RIC8A: variants seen among roughly 807,000 people sequenced by gnomAD.
The protein encoded by RIC8A is chaperone Ric-8A.
Under a neutral mutation model 48.4 loss-of-function variants are expected in RIC8A, and 37 were observed. The ratio of observed to expected loss-of-function variants is 0.77; its 90% confidence interval spans 0.59 to 1.01. The LOEUF (loss-of-function observed/expected upper bound fraction) is 1.01. Among genes scored for constraint, RIC8A ranks in the 50% least tolerant of loss-of-function variants. The pLI is 0.00. For missense variants in RIC8A, 681 were observed against 696.8 expected (o/e 0.98, Z 0.25); for synonymous variants, 288 against 283.4 (o/e 1.02, Z -0.16).
In RIC8A at chr11:209,623, T is replaced by C; in HGVS notation, c.349T>C (p.Ser117Pro). Reference sequence around the variant, plus strand: ...CGCAGACATGGATGTTGTACTGGAGTCCCTCAAGTGCCTGTGCAACCTCGT... The same window carrying C: ...CGCAGACATGGATGTTGTACTGGAGCCCCTCAAGTGCCTGTGCAACCTCGT... ...ESADMDVVLE[S>P]LKCLCNLVLS... The change falls in exon 3 of 10, where the codon TCC becomes CCC. Residue 117 changes from serine to proline, a missense_variant. Coordinates refer to ENST00000526104, the MANE Select transcript of RIC8A (RefSeq NM_001286134.2). The C allele has an allele frequency of 6.2e-7, 1 of 1,613,860 alleles. No homozygotes were observed. The highest frequency in any genetic ancestry group is 8.5e-7 in the Non-Finnish European group (1 of 1,179,976).
In RIC8A at chr11:209,497, C is replaced by T. The variant is rs1012185025; in HGVS notation, c.223C>T (p.Arg75Trp). ...IWLQSVRILSRDRNCLDPFTS... is the reference protein window; with the variant it reads ...IWLQSVRILSWDRNCLDPFTS... The stretch of plus-strand genomic sequence containing the variant: ...GCTGCAGAGTGTCCGAATCCTGTCC[C>T]GGGACCGCAACTGCCTGGACCCGTT... Residue 75 changes from arginine to tryptophan, a missense_variant, in exon 3 of 10, where the codon CGG becomes TGG. By Grantham distance (101) the Arg-to-Trp change is moderately radical. Coordinates refer to ENST00000526104, the MANE Select transcript of RIC8A (RefSeq NM_001286134.2). 2 of 1,612,934 alleles carry T rather than the reference C, an allele frequency of 1.2e-6. No individual in the cohort carries two copies. Among genetic ancestry groups the T allele is most frequent in the Non-Finnish European group, 1.7e-6 (2 of 1,179,210 alleles).
intron 1 of RIC8A, 130 bp from the exon 2 acceptor site, chr11:209,141 G>A: frequency 1.7e-6 from 2 of 1,188,358 alleles, no homozygotes; most frequent in Non-Finnish European, 2.5e-6. Context: ...TAGGGATGGG[G>A]GCGAGTGCCG....
Position 209,604 on chromosome 11 carries a change from C to T in RIC8A, c.330C>T (p.Asp110=). 1.9e-6 allele frequency: 3 copies of T among 1,614,086 alleles called. No individual in the cohort carries two copies. Among genetic ancestry groups the T allele is most frequent in the East Asian group, 4.5e-5 (2 of 44,888 alleles). ...VSEGSVPESA[D]MDVVLESLKC... ...AGGGGTCCGTCCCAGAGTCCGCAGACATGGATGTTGTACTGGAGTCCCTCA... is the reference window on the plus strand; with the variant it reads ...AGGGGTCCGTCCCAGAGTCCGCAGATATGGATGTTGTACTGGAGTCCCTCA... Residue 110 remains aspartate, a synonymous_variant, in exon 3 of 10, where the codon GAC becomes GAT. Coordinates refer to ENST00000526104, the MANE Select transcript of RIC8A (RefSeq NM_001286134.2).
Position 212,739 on chromosome 11 carries a change from T to C in RIC8A, c.1190T>C (p.Phe397Ser), listed in dbSNP as rs995257735. 7.4e-6 allele frequency: 12 copies of C among 1,613,986 alleles called. No individual in the cohort carries two copies. In the Admixed American group the frequency reaches 1.2e-4, roughly 16 times the overall value. Residue 397 changes from phenylalanine to serine, a missense_variant, in exon 7 of 10, where the codon TTT (phenylalanine) becomes TCT (serine). Coordinates refer to ENST00000526104, the MANE Select transcript of RIC8A (RefSeq NM_001286134.2). ...DVKRVAAEFLFVLCSESVPRF... is the reference protein window; with the variant it reads ...DVKRVAAEFLSVLCSESVPRF... ...AAGAGGGTGGCTGCCGAGTTCTTGT[T>C]TGTCCTGTGCTCTGAGAGTGGTGAG...
At position 211,363 on chromosome 11, in the gene RIC8A, G is replaced by A. The variant is rs1590075720; in HGVS notation, c.969+14G>A. ...CGTTTGCACAAGGTAGGCTGGGGAT[G>A]GCTGTGCAGGCTCCCCCAGTGGCTC... On this transcript the variant is annotated intron_variant, in intron 5 of 9. Coordinates refer to ENST00000526104, the MANE Select transcript of RIC8A (RefSeq NM_001286134.2). The surrounding 1 kb of genome is among the most constrained non-coding windows in gnomAD (Gnocchi z 4.0). 2.5e-6 allele frequency: 4 copies of A among 1,609,850 alleles called. No homozygotes were observed. Among genetic ancestry groups the A allele is most frequent in the South Asian group, 2.2e-5 (2 of 90,488 alleles).
In RIC8A at chr11:214,365, C is replaced by T. The variant is rs1349959993; in HGVS notation, c.*15C>T. 30 of 1,578,784 alleles carry T rather than the reference C, an allele frequency of 1.9e-5. No individual in the cohort carries two copies. Among genetic ancestry groups the T allele is most frequent in the Non-Finnish European group, 2.6e-5 (30 of 1,161,556 alleles). On this transcript the variant is annotated 3_prime_UTR_variant, in exon 10 of 10. Coordinates refer to ENST00000526104, the MANE Select transcript of RIC8A (RefSeq NM_001286134.2). ...ACCCTGACTGAGGATGGCAGCTCTT[C>T]TGCTCCCCCATCAGGACTGGTGCTG...
At chr11:212,123 T>C (rs1855374668) in intron 5 of RIC8A, 1 of 408,194 alleles carries the variant, frequency 2.4e-6, no homozygotes, top group South Asian at 2.8e-5. Context: ...TCTTCCCAGC[T>C]CTGGTTTATA....
chr11:212,549 G>C, intron 6 of RIC8A, 38 bp downstream of exon 6: 1 of 1,612,786 alleles, frequency 6.2e-7, no homozygotes, highest in Non-Finnish European at 8.5e-7. Flanking sequence ...GGGGGATGTG[G>C]TTTCGGCCCT....
Position 209,548 on chromosome 11 carries a change from C to G in RIC8A, c.274C>G (p.Leu92Val), listed in dbSNP as rs1303535155. The G allele has an allele frequency of 1.9e-6, 3 of 1,614,114 alleles. No homozygotes were observed. The highest frequency in any genetic ancestry group is 2.5e-6 in the Non-Finnish European group (3 of 1,180,036). The part of the protein sequence containing the change: ...PFTSRQSLQA[L>V]ACYADISVSE... ...CACCAGCCGCCAGAGCCTGCAGGCACTAGCCTGCTATGCTGACATCTCTGT... is the reference window on the plus strand; with the variant it reads ...CACCAGCCGCCAGAGCCTGCAGGCAGTAGCCTGCTATGCTGACATCTCTGT... The change falls in exon 3 of 10, where the codon CTA becomes GTA. Residue 92 changes from leucine (L) to valine (V), a missense_variant. Physicochemically the swap from Leu to Val is conservative, Grantham distance 32 (BLOSUM62 1). Transcript: ENST00000526104.
At position 214,273 on chromosome 11, in the gene RIC8A, C is replaced by G. The variant is rs760132028; in HGVS notation, c.1519C>G (p.Leu507Val). The G allele has an allele frequency of 1.1e-5, 17 of 1,613,878 alleles. No individual in the cohort carries two copies. Among genetic ancestry groups the G allele is most frequent in the East Asian group, 4.5e-5 (2 of 44,880 alleles). The change falls in exon 10 of 10, where the codon CTT becomes GTT. Residue 507 changes from leucine to valine, a missense_variant. By Grantham distance (32) the Leu-to-Val change is conservative (BLOSUM62 1). Coordinates refer to ENST00000526104, the MANE Select transcript of RIC8A (RefSeq NM_001286134.2). ...QPMGMSPRGHLTSLQDAMCET... is the reference protein window; with the variant it reads ...QPMGMSPRGHVTSLQDAMCET... ...AATGGGGATGAGTCCCCGGGGTCAT[C>G]TTACGTCCCTGCAGGATGCCATGTG...
In RIC8A at chr11:212,045, T is replaced by A. The variant is rs117463765; in HGVS notation, c.970-371T>A. 3.3e-4 allele frequency: 89 copies of A among 273,752 alleles called. No individual in the cohort carries two copies. In the East Asian group the frequency reaches 7.3e-3, roughly 22 times the overall value. The allele number at this position is 273,752 out of a possible 1,614,324, so 17.0% of individuals were successfully genotyped here. ...ACACAGAGCGGGGATTCGGTTCTCG[T>A]TTCTTTTTGCCACCAACATCTGAGG... On this transcript the variant is annotated intron_variant, in intron 5 of 9. Coordinates refer to ENST00000526104, the MANE Select transcript of RIC8A (RefSeq NM_001286134.2).
Position 214,716 on chromosome 11 carries a change from G to A in RIC8A, c.*366G>A, listed in dbSNP as rs500840. ...GGGTTTGGGTGTGGGTGCACACAAA[G>A]CAAGCACCATCTGGGATTGGCACAC... On this transcript the variant is annotated 3_prime_UTR_variant, in exon 10 of 10. Transcript: ENST00000526104. The A allele has an allele frequency of 0.059, 21,940 of 370,266 alleles. 867 individuals are homozygous for A. Among genetic ancestry groups the A allele is most frequent in the Non-Finnish European group, 0.076 (14,495 of 190,704 alleles). 22.9% of individuals were successfully genotyped at this position (370,266 alleles called of 1,614,324 possible). A position where few individuals can be genotyped will look rare whatever the true frequency, so the allele number is the denominator to read the frequency against.
chr11:209,512 C>A lies in RIC8A; in HGVS notation c.238C>A (p.Leu80Met), dbSNP rs755709234. ...VRILSRDRNCLDPFTSRQSLQ... is the reference protein window; with the variant it reads ...VRILSRDRNCMDPFTSRQSLQ... ...AATCCTGTCCCGGGACCGCAACTGC[C>A]TGGACCCGTTCACCAGCCGCCAGAG... The change falls in exon 3 of 10, where the codon CTG becomes ATG. Residue 80 changes from leucine (L) to methionine (M), a missense_variant. Physicochemically the swap from Leu to Met is conservative, Grantham distance 15. Coordinates refer to ENST00000526104, the MANE Select transcript of RIC8A (RefSeq NM_001286134.2). 4 of 1,613,968 alleles carry A rather than the reference C, an allele frequency of 2.5e-6. No homozygotes were observed. In the South Asian group the frequency reaches 3.3e-5, roughly 13 times the overall value.
At position 214,586 on chromosome 11, in the gene RIC8A, C is replaced by T; in HGVS notation, c.*236C>T. On this transcript the variant is annotated 3_prime_UTR_variant, in exon 10 of 10. Transcript: ENST00000526104. ...AACTCAGGCTCAGCCTCGAATTCCA[C>T]AGACGAAGTACTTTCTTTTGTCTGC... is the stretch of plus-strand genomic sequence containing the variant. The T allele has an allele frequency of 1.6e-6, 1 of 610,268 alleles. No individual in the cohort carries two copies. The highest frequency in any genetic ancestry group is 3.0e-6 in the Non-Finnish European group (1 of 336,938). 37.8% of individuals were successfully genotyped at this position (610,268 alleles called of 1,614,324 possible). A position where few individuals can be genotyped will look rare whatever the true frequency, so the allele number is the denominator to read the frequency against.
At chr11:214,184 G>T in intron 9 of RIC8A, 46 bp from the exon 10 acceptor site, 1 of 1,596,658 alleles carries the variant, frequency 6.3e-7, no homozygotes. Context: ...CCCCTGCCTG[G>T]CCAACTGGGC....
At position 214,387 on chromosome 11, in the gene RIC8A, G is replaced by A. The variant is rs1210899202; in HGVS notation, c.*37G>A. The A allele has an allele frequency of 6.4e-7, 1 of 1,560,594 alleles. No individual in the cohort carries two copies. Among genetic ancestry groups the A allele is most frequent in the African/African-American group, 1.4e-5 (1 of 73,848 alleles). On this transcript the variant is annotated 3_prime_UTR_variant, in exon 10 of 10. Transcript: ENST00000526104. ...CTTCTGCTCCCCCATCAGGACTGGTGCTGCTTCCAGAGACTTCCTTGGGGT... is the reference window on the plus strand; with the variant it reads ...CTTCTGCTCCCCCATCAGGACTGGTACTGCTTCCAGAGACTTCCTTGGGGT...
intron 9 of RIC8A, chr11:213,738 A>G (rs1855440165): frequency 1.1e-5 from 3 of 269,634 alleles, no homozygotes; most frequent in Non-Finnish European, 1.4e-5. Flanking sequence ...AGGTCAGGAG[A>G]TCGAGACCAT....
intron 9 of RIC8A, chr11:213,700 T>A (rs962946782): frequency 1.3e-5 from 4 of 304,466 alleles, no homozygotes; most frequent in Middle Eastern, 1.1e-3. Flanking sequence ...ATCCCAGCAC[T>A]TTGGGAGACT....
At chr11:213,243 C>G in intron 8 of RIC8A, 56 bp from the exon 9 acceptor site, 1 of 1,604,512 alleles carries the variant, frequency 6.2e-7, no homozygotes, top group African/African-American at 1.3e-5. Flanking sequence ...GGTGGCTTGC[C>G]TCCTGTCCTG....
Sources: allele counts gnomAD v4.1 joint callset, GRCh38; gene constraint gnomAD v4.1.1; non-coding constraint Gnocchi (gnomAD v3.1); transcripts MANE v1.5; gene names NCBI Gene and HGNC (gene_info 2026-07-23, HGNC 2026-07-21).